Variants in NRG3 observed in about 807,000 individuals in gnomAD.
NRG3 encodes pro-neuregulin-3, membrane-bound isoform.
NRG3 carries 31 observed loss-of-function variants against 66.9 expected under a neutral mutation model. The observed-to-expected ratio is 0.46, with a 90% CI of 0.35 to 0.63. NRG3 has a LOEUF of 0.63. NRG3 is among the 20% of genes least tolerant of loss of function. The pLI is 0.00. For synonymous variants in NRG3, 393 were observed against 359.4 expected (o/e 1.09, Z -1.06); for missense variants, 910 against 878.9 (o/e 1.04, Z -0.45).
intron 1 of NRG3, among the ~76,000 whole-genome samples, chr10:82,358,343 G>C (rs572975075): frequency 1.1e-4 from 16 of 152,164 alleles, no homozygotes; most frequent in Middle Eastern, 3.4e-3. Context: ...AATATACATT[G>C]ATCAGATGTT....
intron 1 of NRG3, among the ~76,000 whole-genome samples, chr10:82,059,788 G>A (rs1029760413): frequency 1.3e-5 from 2 of 151,974 alleles, no homozygotes; most frequent in Non-Finnish European, 2.9e-5. Context: ...CCCTCCCCTG[G>A]GAGACCCTTC....
rs192988865 is a variant in NRG3, at chr10:82,556,673, G to A, written c.954-181904G>A. ...TAAACTTTTAGGTTCAGGGGTACAT[G>A]TGATGGTGTGTTACATAGGTAATCT... is the stretch of plus-strand genomic sequence containing the variant. On this transcript the variant is annotated intron_variant, in intron 2 of 8. Transcript: ENST00000372141. 1.7e-3 allele frequency among the ~76,000 whole-genome samples: 254 copies of A among 152,294 alleles called. 1 individual carries two copies. The highest frequency in any genetic ancestry group is 2.9e-3 in the Non-Finnish European group (197 of 68,014).
At chr10:82,230,664 A>G (rs1404988968) in intron 1 of NRG3, among the ~76,000 whole-genome samples, 1 of 152,168 alleles carries the variant, frequency 6.6e-6, no homozygotes, top group Non-Finnish European at 1.5e-5. Flanking sequence ...TGTTGAAAAT[A>G]TTAAATATTT....
At chr10:82,351,490 T>G (rs2083435647) in intron 1 of NRG3, among the ~76,000 whole-genome samples, 1 of 152,132 alleles carries the variant, frequency 6.6e-6, no homozygotes, top group Non-Finnish European at 1.5e-5. Flanking sequence ...TGCACCTGAC[T>G]CAGAAGATAG....
At chr10:82,073,809 A>G (rs138963179) in intron 1 of NRG3, among the ~76,000 whole-genome samples, 161 of 152,342 alleles carry the variant, frequency 1.1e-3, no homozygotes, top group African/African-American at 3.8e-3. Context: ...TGAATTAAAT[A>G]GTATATGTAC....
At chr10:81,925,328 G>T (rs1846661849) in intron 1 of NRG3, among the ~76,000 whole-genome samples, 1 of 152,180 alleles carries the variant, frequency 6.6e-6, no homozygotes, top group Non-Finnish European at 1.5e-5. Flanking sequence ...ATAGAATTGG[G>T]AAACTCCATC....
chr10:82,772,267 A>G (rs1257516573), intron 3 of NRG3, among the ~76,000 whole-genome samples: 1 of 152,104 alleles, frequency 6.6e-6, no homozygotes, highest in Non-Finnish European at 1.5e-5. Flanking sequence ...TACTCTGTTT[A>G]TCTGCTTCTA....
At chr10:82,476,726 G>T (rs890561610) in intron 2 of NRG3, among the ~76,000 whole-genome samples, 7 of 152,122 alleles carry the variant, frequency 4.6e-5, no homozygotes, top group African/African-American at 1.7e-4. Flanking sequence ...GGGAGTTATT[G>T]TTTGACAGTT....
chr10:82,940,314 G>T (rs974022499), intron 4 of NRG3, among the ~76,000 whole-genome samples: 2 of 152,120 alleles, frequency 1.3e-5, no homozygotes, highest in Non-Finnish European at 1.5e-5. Flanking sequence ...CTGTGAAGGG[G>T]TAACTCTTTC....
At chr10:82,923,605 A>C (rs1846674244) in intron 4 of NRG3, among the ~76,000 whole-genome samples, 1 of 152,270 alleles carries the variant, frequency 6.6e-6, no homozygotes, top group African/African-American at 2.4e-5. Flanking sequence ...TAAATAAATG[A>C]TTTGGTAAAT....
chr10:82,859,544 G>A (rs1013836853), intron 3 of NRG3, among the ~76,000 whole-genome samples: 3 of 152,168 alleles, frequency 2.0e-5, no homozygotes, highest in Non-Finnish European at 4.4e-5. Context: ...CACCTCGGGG[G>A]AATGTCAGCA....
At chr10:82,150,246 G>A (rs774870416) in intron 1 of NRG3, among the ~76,000 whole-genome samples, 1 of 152,124 alleles carries the variant, frequency 6.6e-6, no homozygotes, top group Non-Finnish European at 1.5e-5. Context: ...ATTTGCAGGT[G>A]TTGAAGACCG....
chr10:82,706,823 G>T (rs2056320213), intron 2 of NRG3, among the ~76,000 whole-genome samples: 1 of 151,574 alleles, frequency 6.6e-6, no homozygotes, highest in Non-Finnish European at 1.5e-5. Context: ...TTGAAACCCT[G>T]TCTCTACTAA....
At chr10:82,258,840 A>G (rs1233592843) in intron 1 of NRG3, among the ~76,000 whole-genome samples, 2 of 152,188 alleles carry the variant, frequency 1.3e-5, no homozygotes, top group Non-Finnish European at 2.9e-5. Flanking sequence ...CCAGGATTTA[A>G]TGCTGGGTAT....
intron 2 of NRG3, among the ~76,000 whole-genome samples, chr10:82,470,080 T>C (rs1841100747): frequency 6.6e-6 from 1 of 152,206 alleles, no homozygotes; most frequent in African/African-American, 2.4e-5. Context: ...GAGCCCTCCC[T>C]CTGGCCTCTT....
At chr10:81,916,417 G>GT (rs1431272122) in intron 1 of NRG3, among the ~76,000 whole-genome samples, 3 of 152,184 alleles carry the variant, frequency 2.0e-5, no homozygotes, top group Non-Finnish European at 4.4e-5. Flanking sequence ...TTTGCTAACT[G>GT]TATGATACAG....
intron 1 of NRG3, among the ~76,000 whole-genome samples, chr10:82,317,609 T>C (rs2135084372): frequency 6.6e-6 from 1 of 152,338 alleles, no homozygotes; most frequent in East Asian, 1.9e-4. Context: ...TTTCAGCTGC[T>C]TCTGGCCAAT....
intron 4 of NRG3, among the ~76,000 whole-genome samples, chr10:82,949,806 G>C (rs1413403223): frequency 1.3e-5 from 2 of 151,698 alleles, no homozygotes; most frequent in Non-Finnish European, 2.9e-5. Flanking sequence ...AGTAAGCTGG[G>C]ATCACGCCAC....
intron 1 of NRG3, among the ~76,000 whole-genome samples, chr10:82,254,057 C>T (rs765600965): frequency 8.5e-5 from 13 of 152,194 alleles, no homozygotes; most frequent in Non-Finnish European, 1.8e-4. Context: ...CTACCCCTGT[C>T]TGTTGTGAGT....
Sources: allele counts gnomAD v4.1 joint callset (sites outside exome capture counted in the v4.1 genomes callset), GRCh38; gene constraint gnomAD v4.1.1; transcripts MANE v1.5; gene names NCBI Gene and HGNC (gene_info 2026-07-23, HGNC 2026-07-21).